The following KIT variants were observed in gnomAD, a reference collection of about 807,000 sequenced individuals.
KIT encodes KIT proto-oncogene, receptor tyrosine kinase, also known as mast/stem cell growth factor receptor Kit.
In KIT, 16 loss-of-function variants were observed where a neutral mutation model predicts 105.7. That is an observed-to-expected ratio of 0.15 (90% CI 0.10 to 0.23). The LOEUF is 0.23. Among genes scored for constraint, KIT ranks in the 10% least tolerant of loss-of-function variants. The probability of loss-of-function intolerance (pLI) is 1.00; values close to 1 mark genes in which losing one functional copy is unlikely to be tolerated. For synonymous variants in KIT, 438 were observed against 441.1 expected (o/e 0.99, Z 0.09); for missense variants, 858 against 1,213.8 (o/e 0.71, Z 4.36).
intron 9 of KIT, 142 bp from the exon 10 acceptor site, chr4:54,727,076 A>C: frequency 2.6e-6 from 2 of 757,944 alleles, no homozygotes; most frequent in Non-Finnish European, 4.8e-6. Context: ...AATGTAACCA[A>C]GGTGAAGCTC....
In KIT at chr4:54,695,513, C is replaced by G; in HGVS notation, c.69C>G (p.Gly23=). Residue 23 remains glycine, a splice_region_variant and synonymous_variant, in exon 2 of 21, where the codon GGC becomes GGG. Coordinates refer to ENST00000288135, the MANE Select transcript of KIT (RefSeq NM_000222.3). ...VLLLLLRVQT[G]SSQPSVSPGE... ...ACACGATTCTGTTTTTCTTGGCAGG[C>G]TCTTCTCAACCATCTGTGAGTCCAG... The G allele has an allele frequency of 6.2e-7, 1 of 1,614,134 alleles. No individual in the cohort carries two copies. The highest frequency in any genetic ancestry group is 8.5e-7 in the Non-Finnish European group (1 of 1,179,992).
intron 1 of KIT, among the ~76,000 whole-genome samples, chr4:54,664,748 C>G (rs1461287701): frequency 6.6e-6 from 1 of 151,964 alleles, no homozygotes; most frequent in East Asian, 1.9e-4. Context: ...GCTGGGACCC[C>G]AGGCGTGTGC....
At chr4:54,709,587 G>A (rs1721010368) in intron 7 of KIT, 48 bp downstream of exon 7, 1 of 1,200,888 alleles carries the variant, frequency 8.3e-7, no homozygotes, top group Non-Finnish European at 1.2e-6. Context: ...TTTTAAAGTT[G>A]TGGCTCGTGT....
At chr4:54,727,173 C>T (rs2109773288) in intron 9 of KIT, 45 bp from the exon 10 acceptor site, 2 of 1,542,850 alleles carry the variant, frequency 1.3e-6, no homozygotes, top group Admixed American at 1.7e-5. Flanking sequence ...GGTAGAGATC[C>T]CATCCTGCCA....
intron 14 of KIT, among the ~76,000 whole-genome samples, chr4:54,730,291 A>C (rs952541055): frequency 2.6e-5 from 4 of 151,960 alleles, no homozygotes; most frequent in Admixed American, 2.0e-4. Flanking sequence ...TGTGTGGTAG[A>C]TTTCTCCTAT....
chr4:54,708,028 G>T (rs1024367320), intron 6 of KIT, among the ~76,000 whole-genome samples: 5 of 152,134 alleles, frequency 3.3e-5, no homozygotes, highest in Non-Finnish European at 7.4e-5. Flanking sequence ...GGTGAGAGAT[G>T]ATAGCGTCCT....
intron 1 of KIT, among the ~76,000 whole-genome samples, chr4:54,666,968 G>T (rs1717745543): frequency 6.6e-6 from 1 of 152,188 alleles, no homozygotes; most frequent in Non-Finnish European, 1.5e-5. Flanking sequence ...AAACACAGAA[G>T]AAATTGTACG....
At chr4:54,687,313 C>T (rs2109629180) in intron 1 of KIT, among the ~76,000 whole-genome samples, 1 of 152,156 alleles carries the variant, frequency 6.6e-6, no homozygotes, top group Non-Finnish European at 1.5e-5. Flanking sequence ...TTATGTGCCC[C>T]TGTAATCCCA....
Position 54,732,045 on chromosome 4 carries a change from ATTTT to A in KIT, c.2361+69_2361+72del, listed in dbSNP as rs71662297. The A allele has an allele frequency of 8.4e-3, 7,400 of 880,042 alleles. 3 individuals are homozygous for A. Among genetic ancestry groups the A allele is most frequent in the African/African-American group, 0.022 (1,003 of 44,886 alleles). 54.5% of individuals were successfully genotyped at this position (880,042 alleles called of 1,614,324 possible). ...AAGAGTTTTGTGTTTTGTTTTTTTGATTTTTTTTTTTTTTTTTTTTTTTTTGAGA... is the reference window on the plus strand; with the variant it reads ...AAGAGTTTTGTGTTTTGTTTTTTTGATTTTTTTTTTTTTTTTTTTTTGAGA... On this transcript the variant is annotated intron_variant, in intron 16 of 20. Transcript: ENST00000288135.
chr4:54,682,058 T>G (rs956643198), intron 1 of KIT, among the ~76,000 whole-genome samples: 4 of 151,930 alleles, frequency 2.6e-5, no homozygotes, highest in African/African-American at 9.7e-5. Flanking sequence ...CACAAACATT[T>G]GAGTGCTTTC....
chr4:54,732,276 A>C (rs967890132), intron 16 of KIT, among the ~76,000 whole-genome samples: 3 of 151,928 alleles, frequency 2.0e-5, no homozygotes. Flanking sequence ...ATTCTTTTAA[A>C]ACTTTTGGCT....
rs373507039 is a variant in KIT, at chr4:54,693,389, C to T, written c.68-2123C>T. On this transcript the variant is annotated intron_variant, in intron 1 of 20. Coordinates refer to ENST00000288135, the MANE Select transcript of KIT (RefSeq NM_000222.3). ...TTTCTTAAATCTCTCATGACCCTTT[C>T]CTACACCGTCTTGGCTGGAAGAGCC... Among the ~76,000 whole-genome samples the T allele has an allele frequency of 3.3e-5, 5 of 152,278 alleles. No homozygotes were observed. The East Asian group carries it at 9.6e-4, about 29-fold the overall frequency.
Position 54,695,639 on chromosome 4 carries a change from A to G in KIT, c.195A>G (p.Lys65=), listed in dbSNP as rs200121443. Residue 65 remains lysine, a synonymous_variant, in exon 2 of 21, where the codon AAA becomes AAG. Transcript: ENST00000288135. The part of the protein sequence containing the change: ...RLLCTDPGFV[K]WTFEILDETN... Reference sequence around the variant, plus strand: ...TATGCACTGATCCGGGCTTTGTCAAATGGACTTTTGAGATCCTGGATGAAA... The same window carrying G: ...TATGCACTGATCCGGGCTTTGTCAAGTGGACTTTTGAGATCCTGGATGAAA... The G allele has an allele frequency of 1.7e-5, 28 of 1,614,220 alleles. No individual in the cohort carries two copies. The Admixed American group carries it at 4.5e-4, about 26-fold the overall frequency.
chr4:54,733,263 C>T lies in KIT; in HGVS notation c.2484+71C>T, dbSNP rs62304360. On this transcript the variant is annotated intron_variant, in intron 17 of 20. Transcript: ENST00000288135. ...TTTCAACTTTCGATAAAAATTGTTTCCTGTGATTTTCATAATGTAAATCCT... is the reference window on the plus strand; with the variant it reads ...TTTCAACTTTCGATAAAAATTGTTTTCTGTGATTTTCATAATGTAAATCCT... The T allele has an allele frequency of 0.015, 22,954 of 1,541,464 alleles. 231 individuals carry two copies. The highest frequency in any genetic ancestry group is 0.017 in the Non-Finnish European group (19,134 of 1,119,922).
chr4:54,667,177 A>G (rs1717765537), intron 1 of KIT, among the ~76,000 whole-genome samples: 1 of 152,114 alleles, frequency 6.6e-6, no homozygotes, highest in South Asian at 2.1e-4. Context: ...GTTACCCACC[A>G]CTCTGACTAC....
At chr4:54,725,654 G>A (rs1164569330) in intron 8 of KIT, among the ~76,000 whole-genome samples, 3 of 152,092 alleles carry the variant, frequency 2.0e-5, no homozygotes, top group South Asian at 2.1e-4. Context: ...ATCTGACTCC[G>A]AAGCCTCCTC....
intron 1 of KIT, among the ~76,000 whole-genome samples, chr4:54,671,411 G>C (rs1455571877): frequency 6.6e-6 from 1 of 152,194 alleles, no homozygotes; most frequent in East Asian, 1.9e-4. Flanking sequence ...AGCCTTGGTT[G>C]AAGGTATTAA....
intron 1 of KIT, among the ~76,000 whole-genome samples, chr4:54,664,889 G>GT (rs35585711): frequency 0.021 from 2,998 of 141,074 alleles, 78 homozygotes; most frequent in African/African-American, 0.069. Flanking sequence ...CACCTGGCCT[G>GT]TTTTTTTTTT....
intron 1 of KIT, among the ~76,000 whole-genome samples, chr4:54,682,243 CCATGCCT>C (rs1454233127): frequency 1.4e-4 from 21 of 151,636 alleles, no homozygotes; most frequent in African/African-American, 5.1e-4. Context: ...GCACATGCCA[CCATGCCT>C]GACTAATTTT....
Sources: gnomAD v4.1 joint callset for allele counts (sites outside exome capture counted in the v4.1 genomes callset) on GRCh38, gnomAD v4.1.1 for gene constraint, MANE v1.5 for transcripts, NCBI Gene and HGNC (gene_info 2026-07-23, HGNC 2026-07-21) for gene names.